CEP57L1: variants seen among roughly 807,000 people sequenced by gnomAD.
The protein encoded by CEP57L1 is centrosomal protein CEP57L1.
A neutral mutation model predicts 61.0 loss-of-function variants in CEP57L1; 37 were observed. The ratio of observed to expected loss-of-function variants is 0.61; its 90% CI spans 0.47 to 0.80. The LOEUF (loss-of-function observed/expected upper bound fraction) is 0.80. Ranked by LOEUF, CEP57L1 falls within the 30% of genes least tolerant of loss-of-function variation. The pLI, the probability that CEP57L1 is intolerant of heterozygous loss-of-function variation, is 0.00. For synonymous variants in CEP57L1, 137 were observed against 162.3 expected, an observed-to-expected ratio of 0.84 and a Z score of 1.19; for missense variants, 422 against 524.7, an observed-to-expected ratio of 0.80 and a Z score of 1.91.
chr6:109,159,125 T>C (rs766471383), intron 8 of CEP57L1, 23 bp downstream of exon 8: 31 of 1,614,032 alleles, frequency 1.9e-5, no homozygotes, highest in Non-Finnish European at 2.6e-5. Flanking sequence ...AAAATGAAGA[T>C]AGTCGTTCAA....
chr6:109,102,925 T>G (rs1349765617), intron 1 of CEP57L1, among the ~76,000 whole-genome samples: 1 of 152,214 alleles, frequency 6.6e-6, no homozygotes, highest in Non-Finnish European at 1.5e-5. Flanking sequence ...ATTTTAGTTA[T>G]CTGTTGTCAG....
intron 1 of CEP57L1, among the ~76,000 whole-genome samples, chr6:109,125,793 T>C (rs1773494029): frequency 6.6e-6 from 1 of 151,906 alleles, no homozygotes; most frequent in Non-Finnish European, 1.5e-5. Flanking sequence ...ACTTTTATCC[T>C]TATAAATATA....
rs1298661040 is a variant in CEP57L1 at position 109,164,305 on chromosome 6, T to C, written c.*1335T>C. Among the ~76,000 whole-genome samples the C allele has an allele frequency of 6.6e-6, 1 of 152,210 alleles. No homozygotes were observed. Among genetic ancestry groups the C allele is most frequent in the Non-Finnish European group, 1.5e-5 (1 of 68,036 alleles). On this transcript the variant is annotated 3_prime_UTR_variant, in exon 11 of 11. Transcript: ENST00000517392. The stretch of plus-strand genomic sequence containing the variant: ...GATCTTTTGGGGAGGAAGAGAACTA[T>C]AATTCATTCTAATGGTGAGGAGAGA...
rs1452241375 is a variant in CEP57L1, at chr6:109,168,427, A to G, written c.*5457A>G. Among the ~76,000 whole-genome samples the G allele has an allele frequency of 2.0e-5, 3 of 152,190 alleles. No individual in the cohort carries two copies. Among genetic ancestry groups the G allele is most frequent in the Admixed American group, 2.0e-4 (3 of 15,280 alleles). ...TTCTAGAGGCCAAGTATTGACTTGC[A>G]CAGAATTGTGTAAATGATTGCCATT... On this transcript the variant is annotated 3_prime_UTR_variant, in exon 11 of 11. Transcript: ENST00000517392.
intron 2 of CEP57L1, among the ~76,000 whole-genome samples, chr6:109,145,844 G>A (rs1017966634): frequency 6.6e-6 from 1 of 151,900 alleles, no homozygotes; most frequent in Non-Finnish European, 1.5e-5. Context: ...AAATAGAAAT[G>A]TAGGAGGATC....
chr6:109,147,015 G>A, intron 3 of CEP57L1, 78 bp downstream of exon 3: 6 of 1,083,602 alleles, frequency 5.5e-6, no homozygotes, highest in East Asian at 2.7e-5. Context: ...AGTCTAAGCC[G>A]ATGTACTCAG....
chr6:109,153,894 T>C lies in CEP57L1; in HGVS notation c.524T>C (p.Leu175Pro). 1.2e-6 allele frequency: 2 copies of C among 1,612,496 alleles called. No homozygotes were observed. Among genetic ancestry groups the C allele is most frequent in the South Asian group, 2.2e-5 (2 of 90,870 alleles). ...QMKLYAKLEK[L>P]DVLEKECFRL... ...AAGCTGTATGCAAAACTTGAAAAGC[T>C]TGATGTCTTAGAAAAAGAGTGTTTC... The change falls in exon 5 of 11, where the codon CTT becomes CCT. Residue 175 changes from leucine (L) to proline (P), a missense_variant. Transcript: ENST00000517392.
rs569789266 is a variant in CEP57L1, at chr6:109,099,790, C to T, written c.-4+4215C>T. ...GTCTCGATCTCCTGACCTCGTGATCCACCCGCCTCGGCCTCCCAAAGTGCT... is the reference window on the plus strand; with the variant it reads ...GTCTCGATCTCCTGACCTCGTGATCTACCCGCCTCGGCCTCCCAAAGTGCT... On this transcript the variant is annotated intron_variant, in intron 1 of 10. Transcript: ENST00000517392. Among the ~76,000 whole-genome samples, 35 of 152,256 alleles carry T rather than the reference C, an allele frequency of 2.3e-4. No individual in the cohort carries two copies. The East Asian group carries it at 6.2e-3, about 27-fold the overall frequency.
At position 109,163,768 on chromosome 6, in the gene CEP57L1, A is replaced by C. The variant is rs1290174740; in HGVS notation, c.*798A>C. On this transcript the variant is annotated 3_prime_UTR_variant, in exon 11 of 11. Coordinates refer to ENST00000517392, the MANE Select transcript of CEP57L1 (RefSeq NM_001271852.3). ...GTACAAGAAAGTATAGAGGAAGAGG[A>C]AGCTGGGCATTAAATTACCTCATCC... 6.6e-6 allele frequency: 1 copy of C among 152,148 alleles called. No homozygotes were observed. The highest frequency in any genetic ancestry group is 2.4e-5 in the African/African-American group (1 of 41,442). The allele number at this position is 152,148 out of a possible 1,614,324, so 9.4% of individuals were successfully genotyped here.
chr6:109,148,939 G>A (rs1336934349), intron 3 of CEP57L1, among the ~76,000 whole-genome samples: 4 of 152,164 alleles, frequency 2.6e-5, no homozygotes, highest in African/African-American at 9.7e-5. Flanking sequence ...GTCTGTTCAT[G>A]TCCTTCGCCC....
intron 9 of CEP57L1, among the ~76,000 whole-genome samples, chr6:109,160,331 C>G (rs1773603553): frequency 6.6e-6 from 1 of 152,102 alleles, no homozygotes; most frequent in Non-Finnish European, 1.5e-5. Flanking sequence ...ATCAGGAATT[C>G]AGATGTTTTT....
chr6:109,101,760 C>T (rs1164858503), intron 1 of CEP57L1, among the ~76,000 whole-genome samples: 1 of 152,084 alleles, frequency 6.6e-6, no homozygotes, highest in Non-Finnish European at 1.5e-5. Context: ...GCTGGGATTA[C>T]AGGCGCCCGC....
At chr6:109,114,342 G>A (rs2114652620) in intron 1 of CEP57L1, among the ~76,000 whole-genome samples, 1 of 152,092 alleles carries the variant, frequency 6.6e-6, no homozygotes, top group East Asian at 1.9e-4. Context: ...ATATCTGTTG[G>A]CCATTTGTAT....
At chr6:109,146,458 C>A (rs1771970982) in intron 2 of CEP57L1, among the ~76,000 whole-genome samples, 1 of 151,836 alleles carries the variant, frequency 6.6e-6, no homozygotes, top group South Asian at 2.1e-4. Context: ...TGTACATTGT[C>A]TTTAAGTCCT....
intron 1 of CEP57L1, among the ~76,000 whole-genome samples, chr6:109,117,250 A>G (rs1772416590): frequency 6.6e-6 from 1 of 152,228 alleles, no homozygotes; most frequent in Non-Finnish European, 1.5e-5. Flanking sequence ...AGTTGTAGGC[A>G]ATATTCAGGT....
Position 109,159,222 on chromosome 6 carries a change from C to A in CEP57L1, c.823-47C>A, listed in dbSNP as rs79037789. ...AGTTGTTTCTTTTCCCATAAGTCTA[C>A]CAGTGCAAGCTGTTCTGTGAATGCA... On this transcript the variant is annotated intron_variant, in intron 8 of 10. Transcript: ENST00000517392. 1.4e-3 allele frequency: 2,212 copies of A among 1,614,004 alleles called. 32 individuals carry two copies. The African/African-American group carries it at 0.026, about 19-fold the overall frequency.
intron 1 of CEP57L1, among the ~76,000 whole-genome samples, chr6:109,123,319 A>G (rs1012562936): frequency 1.6e-4 from 24 of 152,182 alleles, no homozygotes; most frequent in African/African-American, 4.1e-4. Flanking sequence ...GCATGTCTCT[A>G]TTAAAGACAG....
At chr6:109,110,110 G>A (rs753049113) in intron 1 of CEP57L1, among the ~76,000 whole-genome samples, 1 of 152,118 alleles carries the variant, frequency 6.6e-6, no homozygotes, top group Admixed American at 6.6e-5. Context: ...TTGAGGAATC[G>A]CCACACTGTC....
chr6:109,112,565 G>C (rs187625249), intron 1 of CEP57L1, among the ~76,000 whole-genome samples: 1 of 152,014 alleles, frequency 6.6e-6, no homozygotes, highest in Non-Finnish European at 1.5e-5. Flanking sequence ...TTTTGAATTT[G>C]TTTGCTGTGG....
Sources: allele counts gnomAD v4.1 joint callset (sites outside exome capture counted in the v4.1 genomes callset), GRCh38; gene constraint gnomAD v4.1.1; transcripts MANE v1.5; gene names NCBI Gene and HGNC (gene_info 2026-07-23, HGNC 2026-07-21).